The following PDZD2 variants were observed in gnomAD, a reference collection of about 807,000 sequenced individuals.
The protein encoded by PDZD2 is PDZ domain-containing protein 2.
Under a neutral mutation model 220.7 loss-of-function variants are expected in PDZD2, and 90 were observed. The observed-to-expected ratio is 0.41, with a 90% confidence interval of 0.34 to 0.49. The LOEUF (loss-of-function observed/expected upper bound fraction) is 0.49, where lower values mean the gene tolerates loss of function less well. Ranked by LOEUF, PDZD2 falls within the 20% of genes least tolerant of loss-of-function variation. The probability of loss-of-function intolerance (pLI) is 0.28; values close to 1 mark genes in which losing one functional copy is unlikely to be tolerated. For synonymous variants in PDZD2, 1,375 were observed against 1,450.5 expected, an observed-to-expected ratio of 0.95 and a Z score of 1.18; for missense variants, 3,174 against 3,608.5, an observed-to-expected ratio of 0.88 and a Z score of 3.08.
At chr5:31,697,537 C>T (rs1321753938) in intron 1 of PDZD2, among the ~76,000 whole-genome samples, 1 of 152,146 alleles carries the variant, frequency 6.6e-6, no homozygotes, top group African/African-American at 2.4e-5. Flanking sequence ...GAATCTTGCC[C>T]CTGGAGATAA....
chr5:31,843,254 A>G (rs1757418220), intron 2 of PDZD2: 2 of 149,886 alleles, frequency 1.3e-5, no homozygotes, highest in African/African-American at 4.9e-5. Context: ...GGGCATATTA[A>G]CAACAACTTT....
chr5:31,923,159 G>A (rs900373544), intron 2 of PDZD2, among the ~76,000 whole-genome samples: 3 of 152,160 alleles, frequency 2.0e-5, no homozygotes, highest in South Asian at 4.1e-4. Flanking sequence ...GCCAGGCTTG[G>A]TGGTGGGCAC....
At chr5:32,064,171 A>G (rs1366218509) in intron 14 of PDZD2, among the ~76,000 whole-genome samples, 1 of 151,878 alleles carries the variant, frequency 6.6e-6, no homozygotes, top group Non-Finnish European at 1.5e-5. Context: ...AGCAAGCTCA[A>G]CTCAACCCAA....
Position 32,059,054 on chromosome 5 carries a change from C to T in PDZD2, c.2201-185C>T, listed in dbSNP as rs530367994. Among the ~76,000 whole-genome samples the T allele has an allele frequency of 9.2e-5, 14 of 152,306 alleles. No individual in the cohort carries two copies. The South Asian group carries it at 2.7e-3, about 29-fold the overall frequency. On this transcript the variant is annotated intron_variant, in intron 12 of 24. Coordinates refer to ENST00000438447, the MANE Select transcript of PDZD2 (RefSeq NM_178140.4). ...AACTAGCTCCCAGGTTAGCCATGGG[C>T]TCATTCTATTAACAGCAGTGGCAAG...
At chr5:32,059,186 C>T in intron 12 of PDZD2, 53 bp from the exon 13 acceptor site, 1 of 909,660 alleles carries the variant, frequency 1.1e-6, no homozygotes, top group Admixed American at 1.9e-5. Flanking sequence ...CACATTTTTT[C>T]TAGTGATTGT....
At chr5:31,691,373 T>G (rs1421994052) in intron 1 of PDZD2, among the ~76,000 whole-genome samples, 1 of 149,918 alleles carries the variant, frequency 6.7e-6, no homozygotes, top group East Asian at 1.9e-4. Context: ...GTAGCAAGAT[T>G]TATTGCACAG....
At chr5:31,982,656 G>T (rs958266246) in intron 2 of PDZD2, among the ~76,000 whole-genome samples, 2 of 152,118 alleles carry the variant, frequency 1.3e-5, no homozygotes, top group African/African-American at 4.8e-5. Flanking sequence ...ACTCAGTGAG[G>T]CATAGGCTCC....
intron 2 of PDZD2, among the ~76,000 whole-genome samples, chr5:31,894,062 T>A (rs1300279423): frequency 6.7e-5 from 4 of 60,090 alleles, no homozygotes; most frequent in Non-Finnish European, 1.3e-4. Flanking sequence ...GCCCAGCTTT[T>A]TTTTTTTTTT....
chr5:31,954,724 C>T (rs1434783669), intron 2 of PDZD2, among the ~76,000 whole-genome samples: 1 of 152,042 alleles, frequency 6.6e-6, no homozygotes, highest in Non-Finnish European at 1.5e-5. Flanking sequence ...GTCAGGAGAT[C>T]GAGACCATCC....
Position 32,090,877 on chromosome 5 carries a change from G to A in PDZD2, c.7429G>A (p.Val2477Met), listed in dbSNP as rs370676238. Residue 2477 changes from valine (V) to methionine (M), a missense_variant, in exon 20 of 25, where the codon GTG becomes ATG. Around this residue, in one of 4 missense-constraint regions of PDZD2, gnomAD observed 631 missense variants for 789.9 expected, o/e 0.80. Coordinates refer to ENST00000438447, the MANE Select transcript of PDZD2 (RefSeq NM_178140.4). This position sits in a 1 kb window ranked among gnomAD's most constrained non-coding sequence, Gnocchi z 4.3. The part of the protein sequence containing the change: ...SSVRHTQPSP[V>M]SRSKLQELRA... ...GGTACGCCACACGCAGCCCTCGCCC[G>A]TGTCCCGCTCCAAGCTCCAGGAGCT... is the stretch of plus-strand genomic sequence containing the variant. 3.3e-5 allele frequency: 53 copies of A among 1,613,924 alleles called. No individual in the cohort carries two copies. The Middle Eastern group carries it at 5.0e-4, about 15-fold the overall frequency.
intron 1 of PDZD2, among the ~76,000 whole-genome samples, chr5:31,719,041 A>C (rs1052891489): frequency 1.1e-4 from 16 of 152,156 alleles, no homozygotes; most frequent in Non-Finnish European, 1.6e-4. Flanking sequence ...TAAAGACACT[A>C]TCTCTAAATA....
chr5:32,084,496 C>A (rs1406606040), intron 19 of PDZD2, among the ~76,000 whole-genome samples: 2 of 152,180 alleles, frequency 1.3e-5, no homozygotes, highest in Admixed American at 1.3e-4. Flanking sequence ...TATTGGAAAA[C>A]CTCTTAGCAC....
intron 6 of PDZD2, among the ~76,000 whole-genome samples, chr5:32,014,200 C>T (rs1427842508): frequency 2.6e-5 from 4 of 152,176 alleles, no homozygotes; most frequent in African/African-American, 9.7e-5. Flanking sequence ...GATGATGAAA[C>T]CTGCCGCCAA....
intron 1 of PDZD2, among the ~76,000 whole-genome samples, chr5:31,697,707 C>T (rs1230652935): frequency 6.6e-6 from 1 of 152,088 alleles, no homozygotes; most frequent in African/African-American, 2.4e-5. Context: ...GCACGAAGCC[C>T]CTCCAGCTGC....
intron 5 of PDZD2, among the ~76,000 whole-genome samples, chr5:32,005,944 C>T (rs544721917): frequency 2.0e-5 from 3 of 151,996 alleles, no homozygotes; most frequent in South Asian, 2.1e-4. Context: ...GGTCAGGATT[C>T]GAGACCAGCC....
intron 18 of PDZD2, among the ~76,000 whole-genome samples, chr5:32,076,267 C>T (rs1053513294): frequency 8.5e-6 from 1 of 117,094 alleles, no homozygotes; most frequent in African/African-American, 3.4e-5. Flanking sequence ...GCCTGGGTGA[C>T]AGAGCAAGAC....
chr5:31,897,241 G>A (rs999115520), intron 2 of PDZD2, among the ~76,000 whole-genome samples: 9 of 152,186 alleles, frequency 5.9e-5, no homozygotes, highest in African/African-American at 2.2e-4. Context: ...GGCACCAGGA[G>A]TATGTCAGGC....
At chr5:31,944,594 T>A (rs1327609724) in intron 2 of PDZD2, among the ~76,000 whole-genome samples, 1 of 152,142 alleles carries the variant, frequency 6.6e-6, no homozygotes, top group Non-Finnish European at 1.5e-5. Flanking sequence ...TGTGGGAAAA[T>A]CCCAGAAGAC....
chr5:31,914,194 T>A (rs1175385852), intron 2 of PDZD2, among the ~76,000 whole-genome samples: 1 of 152,256 alleles, frequency 6.6e-6, no homozygotes, highest in East Asian at 1.9e-4. Context: ...TTAAAATGAC[T>A]AAATAAAGTT....
Sources: allele counts gnomAD v4.1 joint callset (sites outside exome capture counted in the v4.1 genomes callset), GRCh38; gene constraint gnomAD v4.1.1; regional missense constraint gnomAD v4.1.1; non-coding constraint Gnocchi (gnomAD v3.1); transcripts MANE v1.5; gene names NCBI Gene and HGNC (gene_info 2026-07-23, HGNC 2026-07-21).